NCKAP5: variants seen among roughly 807,000 people sequenced by gnomAD.
NCKAP5 encodes NCK associated protein 5, also known as nck-associated protein 5.
Under a neutral mutation model 167.0 loss-of-function variants are expected in NCKAP5, and 92 were observed. The observed-to-expected ratio is 0.55, with a 90% CI of 0.47 to 0.66. The LOEUF (loss-of-function observed/expected upper bound fraction) is 0.66. Among genes scored for constraint, NCKAP5 ranks in the 30% least tolerant of loss-of-function variants. NCKAP5 has a pLI of 0.00. For missense variants in NCKAP5, 2,378 were observed against 2,315.0 expected (o/e 1.03, Z -0.56); for synonymous variants, 891 against 877.4 (o/e 1.02, Z -0.27).
chr2:133,069,504 G>T (rs2080314578), intron 6 of NCKAP5, among the ~76,000 whole-genome samples: 1 of 152,158 alleles, frequency 6.6e-6, no homozygotes, highest in African/African-American at 2.4e-5. Context: ...TTAGGCAATT[G>T]AAATTACAAA....
chr2:133,236,826 G>C (rs1396119778), intron 4 of NCKAP5, among the ~76,000 whole-genome samples: 1 of 152,002 alleles, frequency 6.6e-6, no homozygotes, highest in Admixed American at 6.5e-5. Context: ...ACCTCTATAG[G>C]CTTCAATTAT....
chr2:133,426,252 G>T (rs918210488), intron 3 of NCKAP5, among the ~76,000 whole-genome samples: 1 of 151,768 alleles, frequency 6.6e-6, no homozygotes, highest in Non-Finnish European at 1.5e-5. Context: ...CCTGGGCAAC[G>T]GAGCCAAACT....
At chr2:133,195,592 G>T (rs965709910) in intron 5 of NCKAP5, among the ~76,000 whole-genome samples, 8 of 152,122 alleles carry the variant, frequency 5.3e-5, no homozygotes, top group Non-Finnish European at 1.2e-4. Context: ...GATAAGGATG[G>T]AAATTAACTA....
chr2:132,751,277 T>G (rs926605354), intron 16 of NCKAP5, among the ~76,000 whole-genome samples: 8 of 152,086 alleles, frequency 5.3e-5, no homozygotes, highest in African/African-American at 1.7e-4. Context: ...TCTTCCTCTC[T>G]TCTTTCTTCT....
chr2:133,019,212 C>T (rs1225254158), intron 6 of NCKAP5, among the ~76,000 whole-genome samples: 2 of 152,178 alleles, frequency 1.3e-5, no homozygotes, highest in African/African-American at 4.8e-5. Flanking sequence ...TAGCACAGTG[C>T]CTGGGAGATA....
At chr2:133,513,906 C>T (rs1391054006) in intron 3 of NCKAP5, among the ~76,000 whole-genome samples, 1 of 152,174 alleles carries the variant, frequency 6.6e-6, no homozygotes, top group African/African-American at 2.4e-5. Flanking sequence ...ACTCATGCTC[C>T]AGCATGCTCA....
At chr2:133,105,509 G>C (rs891139981) in intron 6 of NCKAP5, among the ~76,000 whole-genome samples, 1 of 152,158 alleles carries the variant, frequency 6.6e-6, no homozygotes, top group Non-Finnish European at 1.5e-5. Context: ...CTACTCTTTT[G>C]AACTCTTTAT....
intron 4 of NCKAP5, among the ~76,000 whole-genome samples, chr2:133,236,423 T>C (rs539434801): frequency 6.6e-6 from 1 of 152,224 alleles, no homozygotes; most frequent in South Asian, 2.1e-4. Flanking sequence ...TCTGAAAAAA[T>C]ATACAGGTTA....
chr2:132,966,375 C>T (rs2076667242), intron 7 of NCKAP5, among the ~76,000 whole-genome samples: 2 of 152,346 alleles, frequency 1.3e-5, no homozygotes, highest in South Asian at 2.1e-4. Context: ...GCTGGGATTA[C>T]AGGCCTAAGC....
chr2:133,211,359 T>C (rs1054415874), intron 5 of NCKAP5, among the ~76,000 whole-genome samples: 5 of 152,100 alleles, frequency 3.3e-5, no homozygotes, highest in African/African-American at 1.2e-4. Flanking sequence ...GCCTCCCAAG[T>C]AGATGGGATC....
chr2:132,918,471 A>T (rs773400727), intron 8 of NCKAP5, among the ~76,000 whole-genome samples: 4 of 151,618 alleles, frequency 2.6e-5, no homozygotes, highest in Non-Finnish European at 5.9e-5. Context: ...TACATTCAGC[A>T]TATATTTTGT....
intron 6 of NCKAP5, among the ~76,000 whole-genome samples, chr2:132,998,508 T>C: frequency 6.6e-6 from 1 of 152,190 alleles, no homozygotes; most frequent in Non-Finnish European, 1.5e-5. Context: ...AAAATCAAGT[T>C]GTCCTATCTT....
chr2:133,379,268 C>T (rs72989657), intron 3 of NCKAP5, among the ~76,000 whole-genome samples: 2,550 of 152,294 alleles, frequency 0.017, 69 homozygotes, highest in African/African-American at 0.057. Flanking sequence ...TAAATCCCGA[C>T]GTGCATACCT....
chr2:133,547,284 G>T (rs12466560), intron 2 of NCKAP5, among the ~76,000 whole-genome samples: 9 of 152,028 alleles, frequency 5.9e-5, no homozygotes, highest in Admixed American at 3.3e-4. Context: ...ACTGCAAGGC[G>T]GCAGAGAGGC....
At chr2:132,720,668 T>C (rs977096114) in intron 19 of NCKAP5, among the ~76,000 whole-genome samples, 57 of 152,106 alleles carry the variant, frequency 3.7e-4, no homozygotes, top group African/African-American at 1.3e-3. Context: ...CTAGAAGCTA[T>C]GGAGGACCGA....
In NCKAP5 at chr2:133,346,663, G is replaced by A. The variant is rs140410008; in HGVS notation, c.70-43553C>T. On this transcript the variant is annotated intron_variant, in intron 3 of 19. Coordinates refer to ENST00000409261, the MANE Select transcript of NCKAP5 (RefSeq NM_207363.3). ...AAAGTGGCCCACGCAAGGAGCACTG[G>A]GTGATATGGTCATCGGACTGGGCCA... Among the ~76,000 whole-genome samples the A allele has an allele frequency of 4.1e-4, 63 of 152,310 alleles. No individual in the cohort carries two copies. In the East Asian group the frequency reaches 0.011, roughly 27 times the overall value.
intron 3 of NCKAP5, among the ~76,000 whole-genome samples, chr2:133,378,965 T>A (rs1213264539): frequency 6.6e-6 from 1 of 152,136 alleles, no homozygotes; most frequent in African/African-American, 2.4e-5. Flanking sequence ...TTATAAGAAA[T>A]CCTAGTAATA....
intron 12 of NCKAP5, among the ~76,000 whole-genome samples, chr2:132,794,263 T>TATATAGAG (rs762281677): frequency 8.4e-4 from 10 of 11,918 alleles, no homozygotes; most frequent in Admixed American, 1.8e-3. Context: ...TATATATATA[T>TATATAGAG]AGAGAGAGAG....
At chr2:133,258,008 C>T (rs1044757691) in intron 4 of NCKAP5, among the ~76,000 whole-genome samples, 6 of 152,124 alleles carry the variant, frequency 3.9e-5, no homozygotes, top group African/African-American at 4.8e-5. Context: ...GTGCAGGAAG[C>T]GCTAAAGACT....
Sources: gnomAD v4.1 joint callset for allele counts (sites outside exome capture counted in the v4.1 genomes callset) on GRCh38, gnomAD v4.1.1 for gene constraint, MANE v1.5 for transcripts, NCBI Gene and HGNC (gene_info 2026-07-23, HGNC 2026-07-21) for gene names.